MEI4: variants seen among roughly 807,000 people sequenced by gnomAD.
MEI4 encodes the protein meiosis-specific protein MEI4.
MEI4 carries 27 observed loss-of-function variants against 31.4 expected under a neutral mutation model. That is an observed-to-expected ratio of 0.86 (90% CI 0.63 to 1.19). The LOEUF is 1.19. MEI4 is among the 50% of genes most tolerant of loss of function. MEI4 has a pLI of 0.00. For synonymous variants in MEI4, 122 were observed against 145.4 expected (o/e 0.84, Z 1.16); for missense variants, 329 against 398.9 (o/e 0.82, Z 1.49).
intron 1 of MEI4, among the ~76,000 whole-genome samples, chr6:77,685,310 C>A (rs1342919342): frequency 6.9e-6 from 1 of 145,750 alleles, no homozygotes; most frequent in Non-Finnish European, 1.5e-5. Flanking sequence ...GTTGTCCCTT[C>A]ACTTTTTTTT....
At chr6:77,714,732 C>G (rs1766541954) in intron 2 of MEI4, among the ~76,000 whole-genome samples, 1 of 152,174 alleles carries the variant, frequency 6.6e-6, no homozygotes, top group Non-Finnish European at 1.5e-5. Flanking sequence ...TCTACTTTCT[C>G]CACACCATTG....
chr6:77,867,457 C>A (rs564860468), intron 4 of MEI4, among the ~76,000 whole-genome samples: 1 of 152,254 alleles, frequency 6.6e-6, no homozygotes, highest in African/African-American at 2.4e-5. Context: ...CCAAAAGATA[C>A]ATGAAAAAAT....
intron 1 of MEI4, among the ~76,000 whole-genome samples, chr6:77,659,738 TG>T (rs1768466736): frequency 6.6e-6 from 1 of 152,160 alleles, no homozygotes; most frequent in Non-Finnish European, 1.5e-5. Flanking sequence ...ATAGAGGGCT[TG>T]TCTGTAATAT....
rs1766832037 is a variant in MEI4, at chr6:77,925,884, C to T, written c.*2538C>T. The T allele has an allele frequency of 6.7e-6, 1 of 149,016 alleles. No homozygotes were observed. The highest frequency in any genetic ancestry group is 2.5e-5 in the African/African-American group (1 of 40,616). 9.2% of individuals were successfully genotyped at this position (149,016 alleles called of 1,614,324 possible). On this transcript the variant is annotated 3_prime_UTR_variant, in exon 5 of 5. Coordinates refer to ENST00000684080, the MANE Select transcript of MEI4 (RefSeq NM_001322247.2). The stretch of plus-strand genomic sequence containing the variant: ...TATATACGATATGTATAATAAATAC[C>T]AAATAGCCAGGTACTTACCTAAGCA...
At chr6:77,759,738 G>A (rs1768001898) in intron 2 of MEI4, among the ~76,000 whole-genome samples, 3 of 152,032 alleles carry the variant, frequency 2.0e-5, no homozygotes, top group South Asian at 4.1e-4. Flanking sequence ...CAGCTGCTTA[G>A]TTCATTTCAC....
chr6:77,815,837 G>A (rs1340734563), intron 3 of MEI4, among the ~76,000 whole-genome samples: 3 of 150,868 alleles, frequency 2.0e-5, no homozygotes, highest in African/African-American at 4.9e-5. Flanking sequence ...TAACTAAGCA[G>A]AAAAACTGAC....
At chr6:77,825,888 C>T (rs960184293) in intron 3 of MEI4, among the ~76,000 whole-genome samples, 11 of 152,130 alleles carry the variant, frequency 7.2e-5, no homozygotes, top group Non-Finnish European at 1.3e-4. Context: ...CTGTGGTATG[C>T]TGTTAGAGGA....
At chr6:77,716,626 C>T (rs560052056) in intron 2 of MEI4, among the ~76,000 whole-genome samples, 232 of 152,010 alleles carry the variant, frequency 1.5e-3, no homozygotes, top group African/African-American at 5.2e-3. Context: ...TAGTATCAGT[C>T]GGGATGGTGA....
chr6:77,874,054 G>T (rs1771267629), intron 4 of MEI4, among the ~76,000 whole-genome samples: 2 of 152,288 alleles, frequency 1.3e-5, no homozygotes, highest in African/African-American at 4.8e-5. Context: ...CTCCAGCTTT[G>T]TTCTTTTGAC....
At chr6:77,743,352 G>T in intron 2 of MEI4, among the ~76,000 whole-genome samples, 1 of 152,058 alleles carries the variant, frequency 6.6e-6, no homozygotes, top group Non-Finnish European at 1.5e-5. Context: ...TTGTAAGTTG[G>T]ATTCCTGGGT....
At chr6:77,679,932 G>C (rs1030768644) in intron 1 of MEI4, among the ~76,000 whole-genome samples, 10 of 150,688 alleles carry the variant, frequency 6.6e-5, no homozygotes, top group African/African-American at 9.8e-5. Context: ...GTAGAGACGG[G>C]GTTTCACCAT....
At chr6:77,778,486 A>C (rs1768512437) in intron 3 of MEI4, among the ~76,000 whole-genome samples, 1 of 152,034 alleles carries the variant, frequency 6.6e-6, no homozygotes, top group South Asian at 2.1e-4. Flanking sequence ...GAATTGCCTG[A>C]GCCCAGGAAT....
intron 3 of MEI4, among the ~76,000 whole-genome samples, chr6:77,812,717 A>T (rs1281564041): frequency 1.3e-5 from 2 of 152,086 alleles, no homozygotes; most frequent in African/African-American, 4.8e-5. Context: ...TGTGTTTCAT[A>T]GTCTGTGGAT....
At chr6:77,815,355 T>C (rs1036908349) in intron 3 of MEI4, among the ~76,000 whole-genome samples, 2 of 152,142 alleles carry the variant, frequency 1.3e-5, no homozygotes, top group Non-Finnish European at 2.9e-5. Context: ...AATAATATTC[T>C]TCAATTGTTT....
chr6:77,849,742 A>T (rs191384974), intron 4 of MEI4, among the ~76,000 whole-genome samples: 2 of 152,192 alleles, frequency 1.3e-5, no homozygotes, highest in Non-Finnish European at 2.9e-5. Context: ...CTGGAATGCC[A>T]AAGTAGCAAC....
At chr6:77,761,856 T>C (rs1768053993) in intron 3 of MEI4, among the ~76,000 whole-genome samples, 191 bp downstream of exon 3, 1 of 152,124 alleles carries the variant, frequency 6.6e-6, no homozygotes, top group African/African-American at 2.4e-5. Flanking sequence ...TACAGCATAG[T>C]TTTCTGCATA....
intron 2 of MEI4, among the ~76,000 whole-genome samples, chr6:77,713,149 G>T (rs1766504520): frequency 6.6e-6 from 1 of 152,060 alleles, no homozygotes; most frequent in South Asian, 2.1e-4. Flanking sequence ...CTTCTTTGGA[G>T]CAAGTTGCTT....
chr6:77,786,720 G>C (rs999842358), intron 3 of MEI4, among the ~76,000 whole-genome samples: 18 of 152,148 alleles, frequency 1.2e-4, no homozygotes, highest in African/African-American at 4.1e-4. Context: ...AAATGGGAAG[G>C]CATTACTCAA....
intron 3 of MEI4, among the ~76,000 whole-genome samples, chr6:77,786,852 G>C (rs1243851939): frequency 6.6e-6 from 1 of 151,988 alleles, no homozygotes; most frequent in Non-Finnish European, 1.5e-5. Context: ...TATCTCTGTG[G>C]AAAAAAGAAT....
Sources: allele counts gnomAD v4.1 joint callset (sites outside exome capture counted in the v4.1 genomes callset), GRCh38; gene constraint gnomAD v4.1.1; transcripts MANE v1.5; gene names NCBI Gene and HGNC (gene_info 2026-07-23, HGNC 2026-07-21).